The following GNA12 variants were observed in gnomAD, a reference collection of about 807,000 sequenced individuals.
GNA12 encodes the protein G protein subunit alpha 12, also known as guanine nucleotide-binding protein subunit alpha-12.
Under a neutral mutation model 26.0 loss-of-function variants are expected in GNA12, and 9 were observed. The observed-to-expected ratio is 0.35, with a 90% CI of 0.21 to 0.60. GNA12 has a LOEUF of 0.60. Ranked by LOEUF, GNA12 falls within the 20% of genes least tolerant of loss-of-function variation. GNA12 has a pLI of 0.78. For missense variants in GNA12, 405 were observed against 525.8 expected, an observed-to-expected ratio of 0.77 and a Z score of 2.25; for synonymous variants, 264 against 219.6, an observed-to-expected ratio of 1.20 and a Z score of -1.79.
chr7:2,830,791 G>C (rs547624969), intron 1 of GNA12, among the ~76,000 whole-genome samples: 1 of 152,186 alleles, frequency 6.6e-6, no homozygotes, highest in African/African-American at 2.4e-5. Context: ...CAAGCTCCCT[G>C]CCAAGTGGGC....
chr7:2,815,832 G>A (rs1023980742), intron 1 of GNA12, among the ~76,000 whole-genome samples: 3 of 152,032 alleles, frequency 2.0e-5, no homozygotes, highest in African/African-American at 7.2e-5. Context: ...CAATCCCAGA[G>A]ACATTTCCCA....
intron 1 of GNA12, among the ~76,000 whole-genome samples, chr7:2,823,097 A>G (rs1401842596): frequency 6.6e-6 from 1 of 152,202 alleles, no homozygotes; most frequent in Non-Finnish European, 1.5e-5. Flanking sequence ...AACTATTTGT[A>G]TATTATTTGT....
At chr7:2,762,397 A>G in intron 2 of GNA12, 1 of 456,298 alleles carries the variant, frequency 2.2e-6, no homozygotes, top group Non-Finnish European at 3.9e-6. Flanking sequence ...TTCCTCACTG[A>G]GGAAACCAAA....
chr7:2,838,798 AAAG>A (rs1482968556), intron 1 of GNA12, among the ~76,000 whole-genome samples: 6 of 152,310 alleles, frequency 3.9e-5, no homozygotes, highest in South Asian at 2.1e-4. Flanking sequence ...ACTGGAGAAA[AAAG>A]AAGGACATTA....
At chr7:2,784,161 A>G (rs2115440139) in intron 2 of GNA12, among the ~76,000 whole-genome samples, 1 of 152,296 alleles carries the variant, frequency 6.6e-6, no homozygotes, top group South Asian at 2.1e-4. Flanking sequence ...TTTGTCACTG[A>G]GGCTGAGGTG....
At chr7:2,777,074 AG>A (rs1219975369) in intron 2 of GNA12, among the ~76,000 whole-genome samples, 1 of 152,172 alleles carries the variant, frequency 6.6e-6, no homozygotes, top group Non-Finnish European at 1.5e-5. Flanking sequence ...TGGTAAATAC[AG>A]CCCCCTAGTC....
At chr7:2,743,240 G>C (rs530893865) in intron 2 of GNA12, among the ~76,000 whole-genome samples, 1 of 152,312 alleles carries the variant, frequency 6.6e-6, no homozygotes, top group East Asian at 1.9e-4. Flanking sequence ...ACCAGCACAG[G>C]CATGACCAAG....
chr7:2,738,559 G>A (rs1044710885), intron 2 of GNA12, among the ~76,000 whole-genome samples: 1 of 152,026 alleles, frequency 6.6e-6, no homozygotes, highest in Non-Finnish European at 1.5e-5. Flanking sequence ...CCCATATTCT[G>A]CTTGCTTATA....
chr7:2,821,421 G>A (rs537189823), intron 1 of GNA12, among the ~76,000 whole-genome samples: 2 of 152,312 alleles, frequency 1.3e-5, no homozygotes, highest in East Asian at 1.9e-4. Flanking sequence ...CCAGCTGACC[G>A]CAGAGAAATC....
At chr7:2,805,786 C>G (rs1355238758) in intron 1 of GNA12, among the ~76,000 whole-genome samples, 1 of 152,190 alleles carries the variant, frequency 6.6e-6, no homozygotes, top group East Asian at 1.9e-4. Flanking sequence ...TCAGACACTA[C>G]TTGAGTCTAA....
chr7:2,829,118 T>C (rs954399955), intron 1 of GNA12, among the ~76,000 whole-genome samples: 1 of 151,924 alleles, frequency 6.6e-6, no homozygotes, highest in Non-Finnish European at 1.5e-5. Context: ...GTCTGCTCAT[T>C]GTATGAAGTA....
intron 2 of GNA12, among the ~76,000 whole-genome samples, chr7:2,736,059 G>A (rs1005477742): frequency 2.6e-5 from 4 of 152,108 alleles, no homozygotes; most frequent in African/African-American, 9.7e-5. Context: ...CGTTTGCGAC[G>A]GACTCCTCAA....
At chr7:2,739,325 T>G (rs1273774910) in intron 2 of GNA12, among the ~76,000 whole-genome samples, 1 of 148,904 alleles carries the variant, frequency 6.7e-6, no homozygotes, top group African/African-American at 2.6e-5. Context: ...GAATCTGCTT[T>G]CTGTCTCCAT....
intron 1 of GNA12, among the ~76,000 whole-genome samples, chr7:2,801,172 C>G (rs1407657546): frequency 6.6e-6 from 1 of 152,192 alleles, no homozygotes; most frequent in Non-Finnish European, 1.5e-5. Context: ...GTCACCAACC[C>G]TCCCGCTATC....
At chr7:2,840,043 A>C (rs1778945440) in intron 1 of GNA12, among the ~76,000 whole-genome samples, 1 of 152,194 alleles carries the variant, frequency 6.6e-6, no homozygotes, top group African/African-American at 2.4e-5. Flanking sequence ...TGGGACAGGA[A>C]GGGGAGAGAG....
At chr7:2,734,161 G>A (rs1044496421) in intron 2 of GNA12, among the ~76,000 whole-genome samples, 6 of 152,142 alleles carry the variant, frequency 3.9e-5, no homozygotes, top group African/African-American at 9.7e-5. Flanking sequence ...AGGGCCCTGC[G>A]GAATCACCCA....
chr7:2,795,135 C>A lies in GNA12; in HGVS notation c.318G>T (p.Arg106Ser). The A allele has an allele frequency of 1.9e-6, 3 of 1,610,990 alleles. No homozygotes were observed. The highest frequency in any genetic ancestry group is 1.7e-4 in the Middle Eastern group (1 of 6,050). ...GCTTATCTCGTGCATCAACAAGAACCCTTGAGCCCTAGAAAATAAAAGAAA... is the reference window on the plus strand; with the variant it reads ...GCTTATCTCGTGCATCAACAAGAACACTTGAGCCCTAGAAAATAAAAGAAA... ...TIFDNILKGS[R>S]VLVDARDKLG... The change falls in exon 2 of 4, where the codon AGG becomes AGT. Residue 106 changes from arginine to serine, a missense_variant. Coordinates refer to ENST00000275364, the MANE Select transcript of GNA12 (RefSeq NM_007353.3).
At chr7:2,780,632 T>C (rs1792203187) in intron 2 of GNA12, among the ~76,000 whole-genome samples, 1 of 152,226 alleles carries the variant, frequency 6.6e-6, no homozygotes, top group African/African-American at 2.4e-5. Flanking sequence ...TATGTGCTTA[T>C]GTATGAATGT....
intron 1 of GNA12, among the ~76,000 whole-genome samples, chr7:2,806,041 A>G (rs1364248370): frequency 6.6e-6 from 1 of 152,272 alleles, no homozygotes; most frequent in African/African-American, 2.4e-5. Flanking sequence ...TGGATTCAAT[A>G]AAATCTATTA....
Sources: gnomAD v4.1 joint callset for allele counts (sites outside exome capture counted in the v4.1 genomes callset) on GRCh38, gnomAD v4.1.1 for gene constraint, MANE v1.5 for transcripts, NCBI Gene and HGNC (gene_info 2026-07-23, HGNC 2026-07-21) for gene names.